The following SHROOM3 variants were observed in gnomAD, a reference collection of about 807,000 sequenced individuals.
SHROOM3 encodes the protein protein Shroom3.
SHROOM3 carries 47 observed loss-of-function variants against 138.6 expected under a neutral mutation model. That is an observed-to-expected ratio of 0.34 (90% CI 0.27 to 0.43). SHROOM3 has a LOEUF of 0.43. Among genes scored for constraint, SHROOM3 ranks in the 20% least tolerant of loss-of-function variants. The probability of loss-of-function intolerance (pLI) is 1.00; values close to 1 mark genes in which losing one functional copy is unlikely to be tolerated. For synonymous variants in SHROOM3, 1,062 were observed against 1,063.3 expected, an observed-to-expected ratio of 1.00 and a Z score of 0.02; for missense variants, 2,491 against 2,596.5, an observed-to-expected ratio of 0.96 and a Z score of 0.88.
chr4:76,671,840 T>A (rs759455319), intron 2 of SHROOM3, among the ~76,000 whole-genome samples: 46 of 152,100 alleles, frequency 3.0e-4, no homozygotes, highest in Non-Finnish European at 5.4e-4. Context: ...TTTTTAAAAA[T>A]TTTTTTTGGA....
At position 76,730,818 on chromosome 4, in the gene SHROOM3, C is replaced by A; in HGVS notation, c.470C>A (p.Ala157Glu). The A allele has an allele frequency of 6.2e-7, 1 of 1,614,022 alleles. No individual in the cohort carries two copies. The highest frequency in any genetic ancestry group is 1.3e-5 in the African/African-American group (1 of 75,016). Residue 157 changes from alanine (A) to glutamate (E), a missense_variant, in exon 4 of 11, where the codon GCA becomes GAA. This residue lies in a region of SHROOM3 where 284 missense variants were observed against 322.8 expected (regional missense o/e 0.88). Transcript: ENST00000296043. ...LRLKHRRSEP[A>E]GRPHSWHTTK... ...TGTCTCCCCAGGCGCAGTGAGCCTG[C>A]AGGCCGACCTCACTCGTGGCACACA...
chr4:76,435,376 A>G lies in SHROOM3; in HGVS notation c.-677A>G, dbSNP rs1730541650. 6.7e-6 allele frequency: 1 copy of G among 149,044 alleles called. No homozygotes were observed. The highest frequency in any genetic ancestry group is 6.6e-5 in the Admixed American group (1 of 15,136). The allele number at this position is 149,044 out of a possible 1,614,324, so 9.2% of individuals were successfully genotyped here. A position where few individuals can be genotyped will look rare whatever the true frequency, so the allele number is the denominator to read the frequency against. ...TACCGTGCTTTTTCATTTTCTCTAC[A>G]TCCTGCAAAAGTTTTTTTCTCTCCT... On this transcript the variant is annotated 5_prime_UTR_variant, in exon 1 of 11. Transcript: ENST00000296043.
intron 3 of SHROOM3, chr4:76,716,534 A>G (rs1720382043): frequency 2.3e-6 from 1 of 426,032 alleles, no homozygotes; most frequent in African/African-American, 2.0e-5. Context: ...AAAATAACCA[A>G]CTGCCTGTTA....
chr4:76,524,384 G>A (rs994530136), intron 1 of SHROOM3, among the ~76,000 whole-genome samples: 3 of 152,182 alleles, frequency 2.0e-5, no homozygotes, highest in African/African-American at 7.2e-5. Context: ...AGGGAGAGGG[G>A]AACAGTGACC....
intron 2 of SHROOM3, among the ~76,000 whole-genome samples, chr4:76,691,719 T>G (rs1719547291): frequency 6.6e-6 from 1 of 152,184 alleles, no homozygotes. Context: ...TCTCCACTTT[T>G]AACCTAGTGT....
intron 2 of SHROOM3, among the ~76,000 whole-genome samples, chr4:76,637,073 T>A (rs1735518938): frequency 6.6e-6 from 1 of 152,254 alleles, no homozygotes; most frequent in Non-Finnish European, 1.5e-5. Context: ...TTGCTTAAAG[T>A]TGTAGTTTTT....
intron 2 of SHROOM3, chr4:76,688,912 G>C (rs1719413055): frequency 2.0e-6 from 2 of 983,368 alleles, no homozygotes; most frequent in African/African-American, 1.8e-5. Flanking sequence ...CTTACACTGA[G>C]AAGAGGGCAT....
At chr4:76,521,906 G>A (rs991706251) in intron 1 of SHROOM3, among the ~76,000 whole-genome samples, 1 of 152,118 alleles carries the variant, frequency 6.6e-6, no homozygotes, top group African/African-American at 2.4e-5. Context: ...GTGTCATAAT[G>A]TGCCTCCTGA....
At chr4:76,537,990 C>A (rs374272546) in intron 1 of SHROOM3, among the ~76,000 whole-genome samples, 1 of 152,214 alleles carries the variant, frequency 6.6e-6, no homozygotes. Context: ...TCACTGCAAC[C>A]TCTGCCTCCT....
Position 76,779,317 on chromosome 4 carries a change from A to G in SHROOM3, c.*140A>G. On this transcript the variant is annotated 3_prime_UTR_variant, in exon 11 of 11. Transcript: ENST00000296043. ...TGATGAAAGGAAAAAAATTCTCTCC[A>G]GGAGGAAGCCTTTTTCCTTCTTGCC... is the stretch of plus-strand genomic sequence containing the variant. The G allele has an allele frequency of 8.4e-7, 1 of 1,184,482 alleles. No homozygotes were observed. The highest frequency in any genetic ancestry group is 1.2e-6 in the Non-Finnish European group (1 of 864,774). The allele number at this position is 1,184,482 out of a possible 1,614,324, so 73.4% of individuals were successfully genotyped here.
chr4:76,607,313 C>T (rs575048858), intron 2 of SHROOM3, among the ~76,000 whole-genome samples: 66 of 152,314 alleles, frequency 4.3e-4, no homozygotes, highest in Non-Finnish European at 8.2e-4. Flanking sequence ...GACCTATTCA[C>T]TCCCACACTC....
chr4:76,735,855 AAAAAAAAAAAAAAATAT>A (rs1279715024), intron 4 of SHROOM3, among the ~76,000 whole-genome samples: 30 of 47,928 alleles, frequency 6.3e-4, no homozygotes, highest in African/African-American at 2.0e-3. Context: ...AAAAAAAAAA[AAAAAAAAAAAAAAATAT>A]ATATATATAT....
chr4:76,543,833 G>A (rs1467017094), intron 1 of SHROOM3, among the ~76,000 whole-genome samples: 1 of 152,216 alleles, frequency 6.6e-6, no homozygotes, highest in East Asian at 1.9e-4. Context: ...AAGCCAAGGT[G>A]GAGAGCCAGG....
chr4:76,558,103 T>C (rs1285663872), intron 2 of SHROOM3, among the ~76,000 whole-genome samples: 1 of 152,218 alleles, frequency 6.6e-6, no homozygotes, highest in Non-Finnish European at 1.5e-5. Context: ...TGTTTCAACA[T>C]GACTGTGGTG....
intron 3 of SHROOM3, among the ~76,000 whole-genome samples, chr4:76,720,905 C>T (rs917001643): frequency 5.3e-5 from 8 of 151,806 alleles, no homozygotes; most frequent in South Asian, 2.1e-4. Flanking sequence ...TCACCACGCC[C>T]GGCCTCCCCC....
chr4:76,740,723 C>G lies in SHROOM3; in HGVS notation c.2550C>G (p.Asn850Lys). The G allele has an allele frequency of 6.2e-7, 1 of 1,613,564 alleles. No homozygotes were observed. Among genetic ancestry groups the G allele is most frequent in the Non-Finnish European group, 8.5e-7 (1 of 1,180,006 alleles). ...GCAACGGGGAGCAGCACTTCAAAAA[C>G]GGGGAGCTGAAGTTGGAAGAGGCTT... Reference protein sequence around the residue: ...PLGNGEQHFKNGELKLEEASR... With the variant: ...PLGNGEQHFKKGELKLEEASR... The change falls in exon 5 of 11, where the codon AAC becomes AAG. Residue 850 changes from asparagine to lysine, a missense_variant. By Grantham distance (94) the Asn-to-Lys change is moderately conservative. Transcript: ENST00000296043. This position sits in a 1 kb window ranked among gnomAD's most constrained non-coding sequence, Gnocchi z 4.0.
At chr4:76,675,109 C>A (rs1718994967) in intron 2 of SHROOM3, among the ~76,000 whole-genome samples, 1 of 152,200 alleles carries the variant, frequency 6.6e-6, no homozygotes, top group Admixed American at 6.6e-5. Flanking sequence ...CATTCCTACA[C>A]ATGAGGAAGA....
intron 1 of SHROOM3, among the ~76,000 whole-genome samples, chr4:76,503,412 CT>C (rs1178496261): frequency 6.6e-6 from 1 of 151,902 alleles, no homozygotes; most frequent in Non-Finnish European, 1.5e-5. Flanking sequence ...AAAATGTTGT[CT>C]TTTGTTTGTT....
At chr4:76,451,257 A>T (rs1730920745) in intron 1 of SHROOM3, among the ~76,000 whole-genome samples, 1 of 152,184 alleles carries the variant, frequency 6.6e-6, no homozygotes, top group African/African-American at 2.4e-5. Flanking sequence ...GCCAGTATTG[A>T]TTTAATTAAC....
Sources: allele counts gnomAD v4.1 joint callset (sites outside exome capture counted in the v4.1 genomes callset), GRCh38; gene constraint gnomAD v4.1.1; regional missense constraint gnomAD v4.1.1; non-coding constraint Gnocchi (gnomAD v3.1); transcripts MANE v1.5; gene names NCBI Gene and HGNC (gene_info 2026-07-23, HGNC 2026-07-21).